Variants in ESR1 observed in about 807,000 individuals in gnomAD.
The protein encoded by ESR1 is estrogen receptor.
In ESR1, 12 loss-of-function variants were observed where a neutral mutation model predicts 52.7. The observed-to-expected ratio is 0.23, with a 90% confidence interval of 0.15 to 0.37. The LOEUF is 0.37. Ranked by LOEUF, ESR1 falls within the 10% of genes least tolerant of loss-of-function variation. The pLI is 1.00. For synonymous variants in ESR1, 305 were observed against 316.8 expected, an observed-to-expected ratio of 0.96 and a Z score of 0.39; for missense variants, 584 against 779.7, an observed-to-expected ratio of 0.75 and a Z score of 2.99.
exon 7 of ESR1, chr6:152,127,269 C>G (rs1389576063): frequency 6.6e-6 from 1 of 152,130 alleles, no homozygotes; most frequent in African/African-American, 2.4e-5. Context: ...GGGTTCAAAT[C>G]CTACATCTTT....
rs2179752 is a variant in ESR1, at chr6:151,758,028, A to G, written c.-70-49815A>G. ...GTGGCTTATACAATTTTAGGAATGGAAAGTTTTGCAAAGTCTCCAAAATCC... is the reference window on the plus strand; with the variant it reads ...GTGGCTTATACAATTTTAGGAATGGGAAGTTTTGCAAAGTCTCCAAAATCC... On this transcript the variant is annotated intron_variant, in intron 2 of 2. Coordinates refer to the ESR1 transcript ENST00000404742. Among the ~76,000 whole-genome samples the G allele has an allele frequency of 7.0e-3, 1,063 of 152,276 alleles. 19 individuals carry two copies. Among genetic ancestry groups the G allele is most frequent in the African/African-American group, 0.024 (1,009 of 41,564 alleles).
intron 2 of ESR1, among the ~76,000 whole-genome samples, chr6:151,791,602 A>G (rs1776163452): frequency 6.6e-6 from 1 of 152,172 alleles, no homozygotes; most frequent in South Asian, 2.1e-4. Context: ...CTGTGGGCTG[A>G]GCTGGGACTC....
exon 7 of ESR1, chr6:152,126,488 T>C (rs2053497169): frequency 1.3e-5 from 2 of 152,222 alleles, no homozygotes; most frequent in African/African-American, 4.8e-5. Context: ...ATTACATACA[T>C]GGATGCCAGT....
At chr6:151,945,422 T>C (rs905737932) in intron 4 of ESR1, among the ~76,000 whole-genome samples, 3 of 152,224 alleles carry the variant, frequency 2.0e-5, no homozygotes, top group African/African-American at 7.2e-5. Context: ...GCTGAAGTGA[T>C]ACCTTGTTCC....
chr6:151,678,280 C>T (rs146376469), intron 1 of ESR1, among the ~76,000 whole-genome samples: 9,554 of 152,046 alleles, frequency 0.063, 680 homozygotes, highest in East Asian at 0.36. Context: ...CGAGACCAGC[C>T]GGGCCAACAT....
chr6:151,781,964 T>A (rs1027176432), intron 2 of ESR1, among the ~76,000 whole-genome samples: 2 of 152,210 alleles, frequency 1.3e-5, no homozygotes, highest in African/African-American at 4.8e-5. Flanking sequence ...ACTGAGGAAA[T>A]AATAACTAAA....
chr6:151,984,046 A>G (rs2040227768), intron 4 of ESR1: 1 of 152,156 alleles, frequency 6.6e-6, no homozygotes, highest in African/African-American at 2.4e-5. Context: ...GATGAGGCGC[A>G]CAGACAGACA....
At chr6:151,674,253 C>T (rs192126657) in intron 1 of ESR1, among the ~76,000 whole-genome samples, 18 of 152,158 alleles carry the variant, frequency 1.2e-4, no homozygotes, top group African/African-American at 4.3e-4. Context: ...CATTGTTCAA[C>T]TCCCATTTAT....
chr6:152,056,972 A>C (rs2047156867), intron 5 of ESR1, among the ~76,000 whole-genome samples: 1 of 152,098 alleles, frequency 6.6e-6, no homozygotes, highest in Non-Finnish European at 1.5e-5. Flanking sequence ...ATTCCTAGGA[A>C]TCACCCCATT....
At chr6:152,083,450 A>G (rs1357067048) in intron 6 of ESR1, among the ~76,000 whole-genome samples, 1 of 152,230 alleles carries the variant, frequency 6.6e-6, no homozygotes, top group Non-Finnish European at 1.5e-5. Flanking sequence ...CTTACACTGT[A>G]TACAAAAATT....
chr6:151,786,856 C>G (rs1787078637), intron 2 of ESR1, among the ~76,000 whole-genome samples: 2 of 152,162 alleles, frequency 1.3e-5, no homozygotes, highest in South Asian at 4.2e-4. Context: ...GTCACCCAGG[C>G]TGGAGTGCAG....
At chr6:151,884,856 A>G (rs1314771247) in intron 3 of ESR1, among the ~76,000 whole-genome samples, 1 of 152,196 alleles carries the variant, frequency 6.6e-6, no homozygotes, top group East Asian at 1.9e-4. Context: ...AGGAAGGCCT[A>G]CACAGTTACC....
intron 2 of ESR1, among the ~76,000 whole-genome samples, chr6:151,853,910 A>G (rs1787345295): frequency 6.6e-6 from 1 of 152,208 alleles, no homozygotes. Context: ...ATCAGTGGCA[A>G]TAATTTCCCA....
At chr6:152,050,128 T>C (rs538232216) in intron 5 of ESR1, among the ~76,000 whole-genome samples, 26 of 152,322 alleles carry the variant, frequency 1.7e-4, no homozygotes, top group Non-Finnish European at 1.6e-4. Flanking sequence ...GAAATATGGA[T>C]TTAAGCTAGG....
intron 6 of ESR1, among the ~76,000 whole-genome samples, chr6:152,121,452 C>A (rs1250355154): frequency 6.6e-6 from 1 of 152,042 alleles, no homozygotes; most frequent in Non-Finnish European, 1.5e-5. Context: ...TTTCCGGAAA[C>A]AAGAATTCAG....
intron 1 of ESR1, among the ~76,000 whole-genome samples, chr6:151,667,374 C>T (rs779142862): frequency 2.0e-5 from 3 of 152,102 alleles, no homozygotes; most frequent in Admixed American, 6.5e-5. Context: ...TGAAAGTTGC[C>T]CATAATACAT....
intron 2 of ESR1, among the ~76,000 whole-genome samples, chr6:151,853,690 C>T (rs1787305657): frequency 6.6e-6 from 1 of 152,098 alleles, no homozygotes; most frequent in Non-Finnish European, 1.5e-5. Context: ...AGCAAAGGTT[C>T]CAAATGTTTT....
chr6:152,092,353 T>C (rs113905650), intron 6 of ESR1, among the ~76,000 whole-genome samples: 30 of 152,364 alleles, frequency 2.0e-4, no homozygotes, highest in African/African-American at 7.0e-4. Flanking sequence ...TCTGGTTTGT[T>C]GTTATTGTTA....
chr6:151,988,696 G>T (rs2040738284), intron 4 of ESR1, among the ~76,000 whole-genome samples: 1 of 151,972 alleles, frequency 6.6e-6, no homozygotes, highest in South Asian at 2.1e-4. Context: ...TTACCTATGT[G>T]AGAAACCTGC....
Sources: gnomAD v4.1 joint callset for allele counts (sites outside exome capture counted in the v4.1 genomes callset) on GRCh38, gnomAD v4.1.1 for gene constraint, MANE v1.5 for transcripts, NCBI Gene and HGNC (gene_info 2026-07-23, HGNC 2026-07-21) for gene names.